PPM1L: variants seen among roughly 807,000 people sequenced by gnomAD.
PPM1L encodes the protein protein phosphatase 1L.
In PPM1L, 13 loss-of-function variants were observed where a neutral mutation model predicts 31.4. That is an observed-to-expected ratio of 0.41 (90% confidence interval 0.27 to 0.66). The LOEUF is 0.66. Among genes scored for constraint, PPM1L ranks in the 30% least tolerant of loss-of-function variants. The pLI is 0.29. For missense variants in PPM1L, 326 were observed against 453.7 expected (o/e 0.72, Z 2.56); for synonymous variants, 184 against 175.4 (o/e 1.05, Z -0.39).
intron 1 of PPM1L, among the ~76,000 whole-genome samples, chr3:160,804,173 C>T (rs1040708903): frequency 6.6e-6 from 1 of 151,948 alleles, no homozygotes; most frequent in Non-Finnish European, 1.5e-5. Flanking sequence ...ATCTCGTGAT[C>T]CGCCCACCTC....
chr3:160,878,793 A>C (rs1180007410), intron 1 of PPM1L, among the ~76,000 whole-genome samples: 11 of 152,188 alleles, frequency 7.2e-5, no homozygotes, highest in Non-Finnish European at 1.5e-4. Flanking sequence ...TATGGAAGGC[A>C]CCAGTGATCC....
At chr3:161,039,631 T>C (rs2108088084) in intron 2 of PPM1L, among the ~76,000 whole-genome samples, 1 of 152,260 alleles carries the variant, frequency 6.6e-6, no homozygotes, top group South Asian at 2.1e-4. Context: ...CATGCCATTC[T>C]CCTGCCTCAG....
intron 1 of PPM1L, among the ~76,000 whole-genome samples, chr3:160,816,065 C>G (rs751546956): frequency 1.3e-5 from 2 of 152,146 alleles, no homozygotes; most frequent in Non-Finnish European, 2.9e-5. Context: ...TACAAATGAG[C>G]TTCCCTTTTC....
intron 2 of PPM1L, among the ~76,000 whole-genome samples, chr3:161,002,319 G>T (rs1170116735): frequency 2.0e-5 from 3 of 152,136 alleles, no homozygotes; most frequent in Non-Finnish European, 4.4e-5. Flanking sequence ...TGTCTTCATA[G>T]CAGCATGATT....
At chr3:160,794,172 T>A (rs1259557632) in intron 1 of PPM1L, among the ~76,000 whole-genome samples, 1 of 152,222 alleles carries the variant, frequency 6.6e-6, no homozygotes, top group Non-Finnish European at 1.5e-5. Flanking sequence ...GTTGTTCTTA[T>A]CTGTTTTATC....
At chr3:160,848,942 T>C (rs1262722610) in intron 1 of PPM1L, among the ~76,000 whole-genome samples, 3 of 152,288 alleles carry the variant, frequency 2.0e-5, no homozygotes, top group Non-Finnish European at 4.4e-5. Context: ...CTCATTTTTT[T>C]CCCCTGTGTA....
At chr3:160,955,799 C>T (rs1334775223) in intron 1 of PPM1L, among the ~76,000 whole-genome samples, 3 of 151,852 alleles carry the variant, frequency 2.0e-5, no homozygotes, top group East Asian at 3.9e-4. Context: ...TACAGGTGCC[C>T]GCCACCACGT....
intron 1 of PPM1L, among the ~76,000 whole-genome samples, chr3:160,899,643 G>A (rs1272159609): frequency 6.6e-6 from 1 of 152,102 alleles, no homozygotes; most frequent in South Asian, 2.1e-4. Flanking sequence ...ATTGGCTCAT[G>A]ACTTATTTAA....
intron 1 of PPM1L, among the ~76,000 whole-genome samples, chr3:160,801,610 C>G (rs1712427862): frequency 6.6e-6 from 1 of 152,198 alleles, no homozygotes; most frequent in Non-Finnish European, 1.5e-5. Context: ...GCACAGTCCT[C>G]CAGCAGAGCA....
intron 1 of PPM1L, among the ~76,000 whole-genome samples, chr3:160,944,801 A>T (rs1431121231): frequency 5.5e-5 from 1 of 18,246 alleles, no homozygotes; most frequent in East Asian, 5.6e-4. Flanking sequence ...GTTATATATA[A>T]CATATATAAC....
intron 2 of PPM1L, among the ~76,000 whole-genome samples, chr3:161,000,235 T>C (rs1717440478): frequency 3.9e-5 from 6 of 152,142 alleles, no homozygotes; most frequent in Admixed American, 3.9e-4. Flanking sequence ...TGATAAGAGC[T>C]TAGAACTGCA....
At chr3:160,908,687 C>T (rs1713849581) in intron 1 of PPM1L, among the ~76,000 whole-genome samples, 1 of 152,080 alleles carries the variant, frequency 6.6e-6, no homozygotes. Flanking sequence ...AAGACAGAGT[C>T]CTTGCTCTAA....
chr3:161,052,044 C>G (rs1381538499), intron 2 of PPM1L, among the ~76,000 whole-genome samples: 3 of 152,116 alleles, frequency 2.0e-5, no homozygotes, highest in Non-Finnish European at 2.9e-5. Context: ...GTTGGAAGGC[C>G]CACTCATTGG....
At chr3:161,041,694 G>C (rs1185583707) in intron 2 of PPM1L, among the ~76,000 whole-genome samples, 1 of 152,152 alleles carries the variant, frequency 6.6e-6, no homozygotes, top group Non-Finnish European at 1.5e-5. Context: ...CTTGCAGTGA[G>C]CTGAGATCAC....
intron 1 of PPM1L, among the ~76,000 whole-genome samples, chr3:160,820,899 A>G (rs892180721): frequency 5.9e-5 from 9 of 152,008 alleles, no homozygotes; most frequent in Non-Finnish European, 1.5e-5. Flanking sequence ...TTTTTTAAGG[A>G]TATATTTTTA....
In PPM1L at chr3:161,077,724, T is replaced by A. The variant is rs143407825; in HGVS notation, c.*8567T>A. The A allele has an allele frequency of 1.3e-5, 2 of 152,210 alleles. No individual in the cohort carries two copies. Among genetic ancestry groups the A allele is most frequent in the Non-Finnish European group, 2.9e-5 (2 of 68,048 alleles). The allele number at this position is 152,210 out of a possible 1,614,324, so 9.4% of individuals were successfully genotyped here. ...GACTAAATGTCATTTTTTTAAATCA[T>A]AAATTTGGTATCCATAGTTACTTTA... On this transcript the variant is annotated 3_prime_UTR_variant, in exon 4 of 4. Coordinates refer to ENST00000498165, the MANE Select transcript of PPM1L (RefSeq NM_139245.4).
At chr3:160,932,767 A>G (rs1714829691) in intron 1 of PPM1L, among the ~76,000 whole-genome samples, 1 of 152,194 alleles carries the variant, frequency 6.6e-6, no homozygotes, top group South Asian at 2.1e-4. Context: ...CCAGGAGGTC[A>G]TGTATATTAG....
intron 1 of PPM1L, among the ~76,000 whole-genome samples, chr3:160,837,519 C>G (rs1193025854): frequency 6.6e-6 from 1 of 152,170 alleles, no homozygotes; most frequent in African/African-American, 2.4e-5. Context: ...CTTGCCCTTC[C>G]TTCTTTTTTA....
intron 1 of PPM1L, among the ~76,000 whole-genome samples, chr3:160,777,798 G>A (rs1711604922): frequency 6.6e-6 from 1 of 152,018 alleles, no homozygotes; most frequent in African/African-American, 2.4e-5. Flanking sequence ...TATACCTCTT[G>A]GCTATTGTGA....
Sources: gnomAD v4.1 joint callset for allele counts (sites outside exome capture counted in the v4.1 genomes callset) on GRCh38, gnomAD v4.1.1 for gene constraint, MANE v1.5 for transcripts, NCBI Gene and HGNC (gene_info 2026-07-23, HGNC 2026-07-21) for gene names.